ZNF43: variants seen among roughly 807,000 people sequenced by gnomAD.
The protein encoded by ZNF43 is zinc finger protein 43.
ZNF43 carries 44 observed loss-of-function variants against 68.4 expected under a neutral mutation model. The observed-to-expected ratio is 0.64, with a 90% CI of 0.51 to 0.83. ZNF43 has a LOEUF of 0.83. Among genes scored for constraint, ZNF43 ranks in the 40% least tolerant of loss-of-function variants. The probability of loss-of-function intolerance (pLI) is 0.00; values close to 1 mark genes in which losing one functional copy is unlikely to be tolerated. For missense variants in ZNF43, 896 were observed against 933.2 expected, an observed-to-expected ratio of 0.96 and a Z score of 0.52; for synonymous variants, 308 against 307.8, an observed-to-expected ratio of 1.00 and a Z score of -0.01.
intron 1 of ZNF43, among the ~76,000 whole-genome samples, chr19:21,829,525 C>A (rs2038321241): frequency 6.6e-6 from 1 of 151,816 alleles, no homozygotes; most frequent in African/African-American, 2.4e-5. Flanking sequence ...TTAAATTTTC[C>A]CAAATCAAGG....
Position 21,806,660 on chromosome 19 carries a change from CA to C in ZNF43, c.*946del, listed in dbSNP as rs1459925109. 1 of 151,266 alleles carries C rather than the reference CA, an allele frequency of 6.6e-6. No individual in the cohort carries two copies. Among genetic ancestry groups the C allele is most frequent in the Non-Finnish European group, 1.5e-5 (1 of 68,000 alleles). 9.4% of individuals were successfully genotyped at this position (151,266 alleles called of 1,614,324 possible). ...CATCATTATTCACTAATTTAAAAATCAGTAATTTTTTCAAGATAAAAGTATA... is the reference window on the plus strand; with the variant it reads ...CATCATTATTCACTAATTTAAAAATCGTAATTTTTTCAAGATAAAAGTATA... On this transcript the variant is annotated 3_prime_UTR_variant, in exon 4 of 4. Coordinates refer to ENST00000354959, the MANE Select transcript of ZNF43 (RefSeq NM_003423.4).
intron 3 of ZNF43, among the ~76,000 whole-genome samples, chr19:21,814,735 A>G (rs1435626986): frequency 6.6e-6 from 1 of 152,146 alleles, no homozygotes; most frequent in Admixed American, 6.5e-5. Flanking sequence ...GGATTTAATT[A>G]TCTCTTAATT....
At chr19:21,822,858 T>C (rs1212890660) in intron 1 of ZNF43, among the ~76,000 whole-genome samples, 1 of 152,118 alleles carries the variant, frequency 6.6e-6, no homozygotes, top group Non-Finnish European at 1.5e-5. Context: ...TTATTTCCTG[T>C]TCGGTTTTTC....
intron 1 of ZNF43, among the ~76,000 whole-genome samples, chr19:21,832,671 C>G (rs2038479495): frequency 6.6e-6 from 1 of 152,140 alleles, no homozygotes; most frequent in Non-Finnish European, 1.5e-5. Context: ...TCGAGACCAG[C>G]CGGGCCAATA....
At chr19:21,813,101 G>T (rs908758817) in intron 3 of ZNF43, among the ~76,000 whole-genome samples, 2 of 151,926 alleles carry the variant, frequency 1.3e-5, no homozygotes, top group Non-Finnish European at 2.9e-5. Flanking sequence ...AATTAACCAG[G>T]CATGGTGGCA....
Position 21,825,650 on chromosome 19 carries a change from G to A in ZNF43, c.4-6429C>T, listed in dbSNP as rs535460004. ...CATTTTTAGCAAGAGGAAGAAAGTGGAGATCCTCATGTCCTCATGTCTACT... is the reference window on the plus strand; with the variant it reads ...CATTTTTAGCAAGAGGAAGAAAGTGAAGATCCTCATGTCCTCATGTCTACT... On this transcript the variant is annotated intron_variant, in intron 1 of 3. Coordinates refer to ENST00000354959, the MANE Select transcript of ZNF43 (RefSeq NM_003423.4). 1.3e-4 allele frequency among the ~76,000 whole-genome samples: 19 copies of A among 150,420 alleles called. No homozygotes were observed. The South Asian group carries it at 3.9e-3, about 31-fold the overall frequency.
At chr19:21,820,787 T>C (rs976425292) in intron 1 of ZNF43, among the ~76,000 whole-genome samples, 1 of 152,040 alleles carries the variant, frequency 6.6e-6, no homozygotes, top group South Asian at 2.1e-4. Flanking sequence ...GAAATATCAG[T>C]TTTATGCAAA....
At chr19:21,819,440 A>G (rs1157016501) in intron 1 of ZNF43, among the ~76,000 whole-genome samples, 1 of 152,250 alleles carries the variant, frequency 6.6e-6, no homozygotes, top group African/African-American at 2.4e-5. Flanking sequence ...GATCCACAAC[A>G]TCAGTGTATA....
intron 3 of ZNF43, among the ~76,000 whole-genome samples, chr19:21,816,144 G>A (rs1391943442): frequency 3.3e-5 from 5 of 151,962 alleles, no homozygotes; most frequent in Non-Finnish European, 5.9e-5. Context: ...AAAATAAAAG[G>A]TGCCCTACTT....
intron 3 of ZNF43, among the ~76,000 whole-genome samples, chr19:21,815,458 G>A (rs1187101801): frequency 7.1e-6 from 1 of 140,302 alleles, no homozygotes; most frequent in Non-Finnish European, 1.5e-5. Context: ...CAACTTTAGA[G>A]GCAAAGAATA....
At chr19:21,815,794 C>T (rs533844223) in intron 3 of ZNF43, among the ~76,000 whole-genome samples, 4 of 151,978 alleles carry the variant, frequency 2.6e-5, no homozygotes, top group African/African-American at 9.6e-5. Context: ...CATGGTGGCT[C>T]ATGCCTGTAA....
rs1429950101 is a variant in ZNF43, at chr19:21,808,591, G to A, written c.1446C>T (p.Tyr482=). The change falls in exon 4 of 4, where the codon TAC becomes TAT. Residue 482 remains tyrosine (Y), a synonymous_variant. Coordinates refer to ENST00000354959, the MANE Select transcript of ZNF43 (RefSeq NM_003423.4). ...AAGCTTTGCCACATTCTTCACATTT[G>A]TACGGTTTTTCTGCAGTATGAATTC... ...HKRIHTAEKP[Y]KCEECGKAFS... 6.2e-7 allele frequency: 1 copy of A among 1,613,322 alleles called. No individual in the cohort carries two copies. The highest frequency in any genetic ancestry group is 2.2e-5 in the East Asian group (1 of 44,828).
At chr19:21,810,147 A>G (rs982458681) in intron 3 of ZNF43, among the ~76,000 whole-genome samples, 7 of 152,202 alleles carry the variant, frequency 4.6e-5, no homozygotes, top group African/African-American at 1.4e-4. Flanking sequence ...ATTATTTTGC[A>G]TATAGCGGAA....
chr19:21,818,589 T>C (rs1370496925), intron 2 of ZNF43, among the ~76,000 whole-genome samples: 2 of 151,650 alleles, frequency 1.3e-5, no homozygotes, highest in Non-Finnish European at 2.9e-5. Flanking sequence ...CCTGGCTAAT[T>C]TTTGCATTTT....
intron 1 of ZNF43, among the ~76,000 whole-genome samples, chr19:21,823,685 A>C (rs773339169): frequency 1.4e-4 from 20 of 146,524 alleles, no homozygotes; most frequent in Non-Finnish European, 2.8e-4. Context: ...CTCCTGCCTC[A>C]GCCTCCCAAG....
At chr19:21,815,609 A>G (rs1599465057) in intron 3 of ZNF43, among the ~76,000 whole-genome samples, 2 of 151,700 alleles carry the variant, frequency 1.3e-5, no homozygotes, top group East Asian at 3.9e-4. Flanking sequence ...AAATCCTATC[A>G]TTCTCTTTTA....
chr19:21,806,169 C>CTTTTTTTTTTTTTTTTTTTTTTTTT lies in ZNF43; in HGVS notation c.*1437_*1438insAAAAAAAAAAAAAAAAAAAAAAAAA, dbSNP rs74174041. 1 of 126,122 alleles carries CTTTTTTTTTTTTTTTTTTTTTTTTT rather than the reference C, an allele frequency of 7.9e-6. No homozygotes were observed. Among genetic ancestry groups the CTTTTTTTTTTTTTTTTTTTTTTTTT allele is most frequent in the African/African-American group, 2.9e-5 (1 of 35,062 alleles). 7.8% of individuals were successfully genotyped at this position (126,122 alleles called of 1,614,324 possible). A position where few individuals can be genotyped will look rare whatever the true frequency, so the allele number is the denominator to read the frequency against. ...CTCCAGTTACATTTTCATCACGCAT[C>CTTTTTTTTTTTTTTTTTTTTTTTTT]TTTTTTTTTTTTTTTTTTCTTTTTG... On this transcript the variant is annotated 3_prime_UTR_variant, in exon 4 of 4. Coordinates refer to ENST00000354959, the MANE Select transcript of ZNF43 (RefSeq NM_003423.4).
upstream of ZNF43, chr19:21,836,301 T>C (rs570843727): frequency 1.2e-5 from 15 of 1,221,922 alleles, no homozygotes; most frequent in African/African-American, 2.2e-4. Flanking sequence ...CCGCAAACCC[T>C]GAATGAAAGA....
At position 21,808,610 on chromosome 19, in the gene ZNF43, T is replaced by C. The variant is rs1293962869; in HGVS notation, c.1427A>G (p.His476Arg). Residue 476 changes from histidine to arginine, a missense_variant, in exon 4 of 4, where the codon CAT (histidine) becomes CGT (arginine). Coordinates refer to ENST00000354959, the MANE Select transcript of ZNF43 (RefSeq NM_003423.4). ...ACATTTGTACGGTTTTTCTGCAGTA[T>C]GAATTCTCTTATGTGTAGTAAGGTT... ...FSNLTTHKRI[H>R]TAEKPYKCEE... The C allele has an allele frequency of 7.4e-6, 12 of 1,613,818 alleles. No individual in the cohort carries two copies. The highest frequency in any genetic ancestry group is 9.3e-6 in the Non-Finnish European group (11 of 1,179,884).
Sources: gnomAD v4.1 joint callset for allele counts (sites outside exome capture counted in the v4.1 genomes callset) on GRCh38, gnomAD v4.1.1 for gene constraint, MANE v1.5 for transcripts, NCBI Gene and HGNC (gene_info 2026-07-23, HGNC 2026-07-21) for gene names.